Variants in IMPDH1 observed in about 807,000 individuals in gnomAD.
IMPDH1 encodes inosine-5'-monophosphate dehydrogenase 1.
Under a neutral mutation model 73.5 loss-of-function variants are expected in IMPDH1, and 41 were observed. The observed-to-expected ratio is 0.56, with a 90% CI of 0.43 to 0.72. The LOEUF (loss-of-function observed/expected upper bound fraction) is 0.72, where lower values mean the gene tolerates loss of function less well. Ranked by LOEUF, IMPDH1 falls within the 30% of genes least tolerant of loss-of-function variation. The pLI is 0.00. For missense variants in IMPDH1, 645 were observed against 824.8 expected (o/e 0.78, Z 2.67); for synonymous variants, 318 against 334.3 (o/e 0.95, Z 0.53).
rs541712803 is a variant in IMPDH1, at chr7:128,392,905, C to T, written c.*102G>A. 5 of 1,168,338 alleles carry T rather than the reference C, an allele frequency of 4.3e-6. No homozygotes were observed. Among genetic ancestry groups the T allele is most frequent in the Middle Eastern group, 2.4e-4 (1 of 4,116 alleles). 72.4% of individuals were successfully genotyped at this position (1,168,338 alleles called of 1,614,324 possible). ...CTGCCTGGAAAGGAGCTGGAGAACC[C>T]GTAGTGCAAATCTGTGGACCACTCA... On this transcript the variant is annotated 3_prime_UTR_variant, in exon 17 of 17. Coordinates refer to ENST00000338791, the MANE Select transcript of IMPDH1 (RefSeq NM_000883.4).
chr7:128,401,705 G>A (rs1798350791), intron 5 of IMPDH1, among the ~76,000 whole-genome samples: 1 of 152,188 alleles, frequency 6.6e-6, no homozygotes. Context: ...GGTGGAGAAT[G>A]GATTCTGGGT....
At chr7:128,405,677 A>T in intron 4 of IMPDH1, 90 bp downstream of exon 4, 1 of 1,465,440 alleles carries the variant, frequency 6.8e-7, no homozygotes. Context: ...CCGGGCAGGG[A>T]ACGCCGGGGG....
intron 9 of IMPDH1, among the ~76,000 whole-genome samples, chr7:128,399,040 C>T (rs1038424322): frequency 6.6e-6 from 1 of 152,194 alleles, no homozygotes; most frequent in Non-Finnish European, 1.5e-5. Flanking sequence ...CCAACAGGGA[C>T]CTGGTGAATA....
In IMPDH1 at chr7:128,398,311, G is replaced by C. The variant is rs1798070895; in HGVS notation, c.1074+103C>G. ...CAGAAAGAGAGAGGAAGAGTAGCAA[G>C]GGAGGGGCACAGGCTTAATCAGAGG... On this transcript the variant is annotated intron_variant, in intron 10 of 16. Coordinates refer to ENST00000338791, the MANE Select transcript of IMPDH1 (RefSeq NM_000883.4). This position sits in a 1 kb window ranked among gnomAD's most constrained non-coding sequence, Gnocchi z 4.3. 3 of 881,892 alleles carry C rather than the reference G, an allele frequency of 3.4e-6. No individual in the cohort carries two copies. The highest frequency in any genetic ancestry group is 4.1e-5 in the Admixed American group (2 of 49,006). 54.6% of individuals were successfully genotyped at this position (881,892 alleles called of 1,614,324 possible). A position where few individuals can be genotyped will look rare whatever the true frequency, so the allele number is the denominator to read the frequency against.
chr7:128,396,387 C>T lies in IMPDH1; in HGVS notation c.1261+213G>A, dbSNP rs552028454. 2.6e-5 allele frequency among the ~76,000 whole-genome samples: 4 copies of T among 152,334 alleles called. No individual in the cohort carries two copies. The highest frequency in any genetic ancestry group is 1.3e-4 in the Admixed American group (2 of 15,306). ...AAGCCCCAGGCAGAGCCCCCTTGAC[C>T]GCACTCTGAGAAGCAGGCTGCAGCT... On this transcript the variant is annotated intron_variant, in intron 12 of 16. Coordinates refer to ENST00000338791, the MANE Select transcript of IMPDH1 (RefSeq NM_000883.4). The surrounding 1 kb of genome is among the most constrained non-coding windows in gnomAD (Gnocchi z 4.0).
chr7:128,405,613 C>A (rs1217771079), intron 4 of IMPDH1, among the ~76,000 whole-genome samples, 154 bp downstream of exon 4: 1 of 152,296 alleles, frequency 6.6e-6, no homozygotes, highest in East Asian at 1.9e-4. Flanking sequence ...TGCTCCGGCG[C>A]GGGCCTCCTT....
At position 128,396,574 on chromosome 7, in the gene IMPDH1, G is replaced by T; in HGVS notation, c.1261+26C>A. 2 of 1,505,144 alleles carry T rather than the reference G, an allele frequency of 1.3e-6. No individual in the cohort carries two copies. Among genetic ancestry groups the T allele is most frequent in the Non-Finnish European group, 1.8e-6 (2 of 1,105,912 alleles). The allele number at this position is 1,505,144 out of a possible 1,614,324, so 93.2% of individuals were successfully genotyped here. ...AAAGGCGAGGCCCCGGGGCCAGCGGGCACTCGCTCACCTCCTGACACCCAC... is the reference window on the plus strand; with the variant it reads ...AAAGGCGAGGCCCCGGGGCCAGCGGTCACTCGCTCACCTCCTGACACCCAC... On this transcript the variant is annotated intron_variant, in intron 12 of 16. Transcript: ENST00000338791. This position sits in a 1 kb window ranked among gnomAD's most constrained non-coding sequence, Gnocchi z 4.0.
At chr7:128,399,958 G>C (rs1798198712) in intron 9 of IMPDH1, 137 bp downstream of exon 9, 15 of 778,164 alleles carry the variant, frequency 1.9e-5, no homozygotes, top group Non-Finnish European at 3.5e-5. Flanking sequence ...GTTGTGCTCT[G>C]GCCTGCCTGA....
rs72624948 is a variant in IMPDH1 at position 128,405,760 on chromosome 7, C to G, written c.353+7G>C. 658 of 1,535,236 alleles carry G rather than the reference C, an allele frequency of 4.3e-4. 2 individuals are homozygous for G. In the African/African-American group the frequency reaches 8.3e-3, roughly 19 times the overall value. The stretch of plus-strand genomic sequence containing the variant: ...GCGCACCTAGGGGTACGAGACCCGG[C>G]GCTTACTTGTAGGTGAGGCCGTCGG... On this transcript the variant is annotated splice_region_variant and intron_variant, in intron 4 of 16. Coordinates refer to ENST00000338791, the MANE Select transcript of IMPDH1 (RefSeq NM_000883.4).
At chr7:128,409,688 C>T in intron 1 of IMPDH1, 68 bp downstream of exon 1, 7 of 1,522,274 alleles carry the variant, frequency 4.6e-6, no homozygotes, top group Non-Finnish European at 6.2e-6. Context: ...GCCGGGTTCC[C>T]GGAGCCGCCG....
rs1053817476 is a variant in IMPDH1 at position 128,395,419 on chromosome 7, T to C, written c.1262-145A>G. 7.5e-5 allele frequency: 72 copies of C among 960,312 alleles called. No individual in the cohort carries two copies. In the Middle Eastern group the frequency reaches 1.3e-3, roughly 17 times the overall value. 59.5% of individuals were successfully genotyped at this position (960,312 alleles called of 1,614,324 possible). ...TGGATGGTGTGTCTGAGGCATAACA[T>C]AGGTGCTGGCAAATACCACCAGGAT... On this transcript the variant is annotated intron_variant, in intron 12 of 16. Transcript: ENST00000338791.
intron 1 of IMPDH1, 54 bp from the exon 2 acceptor site, chr7:128,409,538 T>A (rs1692763562): frequency 6.2e-7 from 1 of 1,600,430 alleles, no homozygotes; most frequent in South Asian, 1.1e-5. Flanking sequence ...CGCTCCCCCG[T>A]GCAACGAAGC....
In IMPDH1 at chr7:128,398,698, A is replaced by AATCTCTGGAGTGGT; in HGVS notation, c.875-86_875-85insACCACTCCAGAGAT. 1.8e-6 allele frequency: 2 copies of AATCTCTGGAGTGGT among 1,112,634 alleles called. No individual in the cohort carries two copies. The highest frequency in any genetic ancestry group is 2.7e-6 in the Non-Finnish European group (2 of 736,924). The allele number at this position is 1,112,634 out of a possible 1,614,324, so 68.9% of individuals were successfully genotyped here. A position where few individuals can be genotyped will look rare whatever the true frequency, so the allele number is the denominator to read the frequency against. On this transcript the variant is annotated intron_variant, in intron 9 of 16. Coordinates refer to ENST00000338791, the MANE Select transcript of IMPDH1 (RefSeq NM_000883.4). This position sits in a 1 kb window ranked among gnomAD's most constrained non-coding sequence, Gnocchi z 4.3. The stretch of plus-strand genomic sequence containing the variant: ...TTTAGGAGGGTGAAGATGAAAGTGG[A>AATCTCTGGAGTGGT]CCACTCCAGAGATTCCACTGAAGTA...
rs767123748 is a variant in IMPDH1 at position 128,409,829 on chromosome 7, G to GCCGGGCT, written c.66_72dup (p.Gln25SerfsTer29). ...GCCGCCGTCTCGTGTCCCGGGTGTTGCCGGGCTCCGGGCTCCGGAACAGCG... is the reference window on the plus strand; with the variant it reads ...GCCGCCGTCTCGTGTCCCGGGTGTTGCCGGGCTCCGGGCTCCGGGCTCCGGAACAGCG... On this transcript the variant is annotated frameshift_variant, in exon 1 of 17. Coordinates refer to ENST00000338791, the MANE Select transcript of IMPDH1 (RefSeq NM_000883.4). LOFTEE classifies it high-confidence loss of function. 83 of 1,496,984 alleles carry GCCGGGCT rather than the reference G, an allele frequency of 5.5e-5. No individual in the cohort carries two copies. The highest frequency in any genetic ancestry group is 4.6e-4 in the Middle Eastern group (2 of 4,302). 92.7% of individuals were successfully genotyped at this position (1,496,984 alleles called of 1,614,324 possible).
chr7:128,396,885 C>A lies in IMPDH1; in HGVS notation c.1165+47G>T, dbSNP rs760724190. ...TGCTGAAGGACAGAAAAGGGTTACT[C>A]ATTGGAGGGGCAGGAGCAGGCGGGT... On this transcript the variant is annotated intron_variant, in intron 11 of 16. Coordinates refer to ENST00000338791, the MANE Select transcript of IMPDH1 (RefSeq NM_000883.4). This position sits in a 1 kb window ranked among gnomAD's most constrained non-coding sequence, Gnocchi z 4.0. 28 of 1,386,312 alleles carry A rather than the reference C, an allele frequency of 2.0e-5. No homozygotes were observed. The South Asian group carries it at 2.9e-4, about 14-fold the overall frequency. 85.9% of individuals were successfully genotyped at this position (1,386,312 alleles called of 1,614,324 possible).
Position 128,409,425 on chromosome 7 carries a change from C to A in IMPDH1, c.190+16G>T. Reference sequence around the variant, plus strand: ...ACTCCAGCAAGCACTGTTTGAACCCCAGGAGTTGGAGCCACCTGAACGGGG... The same window carrying A: ...ACTCCAGCAAGCACTGTTTGAACCCAAGGAGTTGGAGCCACCTGAACGGGG... On this transcript the variant is annotated intron_variant, in intron 2 of 16. Transcript: ENST00000338791. 11 of 1,614,208 alleles carry A rather than the reference C, an allele frequency of 6.8e-6. No homozygotes were observed. The highest frequency in any genetic ancestry group is 9.3e-6 in the Non-Finnish European group (11 of 1,180,020).
chr7:128,407,989 G>C (rs749359621), intron 3 of IMPDH1, among the ~76,000 whole-genome samples: 1 of 152,100 alleles, frequency 6.6e-6, no homozygotes, highest in Non-Finnish European at 1.5e-5. Flanking sequence ...CTCAGCCCTG[G>C]GTTAGGCTGT....
In IMPDH1 at chr7:128,394,675, CG is replaced by C; in HGVS notation, c.1551-77del. ...CCACCCCACCTCTTAAGGGCAAAAA[CG>C]GGATACCGCCCAGGAAGGTCCCCCA... On this transcript the variant is annotated intron_variant, in intron 14 of 16. Coordinates refer to ENST00000338791, the MANE Select transcript of IMPDH1 (RefSeq NM_000883.4). The surrounding 1 kb of genome is among the most constrained non-coding windows in gnomAD (Gnocchi z 5.5). The C allele has an allele frequency of 6.4e-7, 1 of 1,572,922 alleles. No individual in the cohort carries two copies. The highest frequency in any genetic ancestry group is 8.7e-7 in the Non-Finnish European group (1 of 1,151,900).
chr7:128,404,298 T>C (rs1407401609), intron 4 of IMPDH1, among the ~76,000 whole-genome samples: 1 of 152,078 alleles, frequency 6.6e-6, no homozygotes, highest in African/African-American at 2.4e-5. Context: ...GGGCATGTTC[T>C]GACAGAGCAG....
Sources: allele counts gnomAD v4.1 joint callset (sites outside exome capture counted in the v4.1 genomes callset), GRCh38; gene constraint gnomAD v4.1.1; non-coding constraint Gnocchi (gnomAD v3.1); transcripts MANE v1.5; gene names NCBI Gene and HGNC (gene_info 2026-07-23, HGNC 2026-07-21).